Variants in NRXN1 observed in about 807,000 individuals in gnomAD.
NRXN1 encodes the protein neurexin-1.
In NRXN1, 39 loss-of-function variants were observed where a neutral mutation model predicts 150.9. The observed-to-expected ratio is 0.26, with a 90% CI of 0.20 to 0.34. The LOEUF (loss-of-function observed/expected upper bound fraction) is 0.34, where lower values mean the gene tolerates loss of function less well. NRXN1 is among the 10% of genes least tolerant of loss of function. The probability of loss-of-function intolerance (pLI) is 1.00; values close to 1 mark genes in which losing one functional copy is unlikely to be tolerated. For synonymous variants in NRXN1, 924 were observed against 757.0 expected (o/e 1.22, Z -3.62); for missense variants, 1,815 against 1,949.9 (o/e 0.93, Z 1.30).
chr2:50,670,836 A>G (rs1450054759), intron 5 of NRXN1, among the ~76,000 whole-genome samples: 1 of 151,900 alleles, frequency 6.6e-6, no homozygotes, highest in Non-Finnish European at 1.5e-5. Flanking sequence ...AGAATATTCC[A>G]GAAGCAGTAA....
intron 5 of NRXN1, among the ~76,000 whole-genome samples, chr2:50,750,563 C>T (rs563426886): frequency 7.9e-5 from 12 of 152,050 alleles, no homozygotes; most frequent in Admixed American, 2.0e-4. Flanking sequence ...GCATGTTGTG[C>T]GCATGTACCC....
chr2:50,914,337 A>G (rs1457630248), intron 5 of NRXN1, among the ~76,000 whole-genome samples: 3 of 151,672 alleles, frequency 2.0e-5, no homozygotes, highest in African/African-American at 7.3e-5. Flanking sequence ...AAAATATAAG[A>G]TCTACTTCAT....
chr2:49,979,841 A>G (rs1268644145), intron 21 of NRXN1, among the ~76,000 whole-genome samples: 3 of 151,976 alleles, frequency 2.0e-5, no homozygotes, highest in Non-Finnish European at 4.4e-5. Context: ...AGTATGGATT[A>G]GAGATAGGAT....
intron 9 of NRXN1, among the ~76,000 whole-genome samples, chr2:50,540,818 C>T (rs1157439797): frequency 2.0e-5 from 3 of 152,112 alleles, no homozygotes; most frequent in Non-Finnish European, 2.9e-5. Flanking sequence ...TACGCCATCA[C>T]AGCCAACTAA....
At chr2:50,866,318 T>G (rs1676935079) in intron 5 of NRXN1, among the ~76,000 whole-genome samples, 1 of 151,958 alleles carries the variant, frequency 6.6e-6, no homozygotes, top group African/African-American at 2.4e-5. Flanking sequence ...ATTCTCAAAA[T>G]GAAATAAACC....
intron 5 of NRXN1, among the ~76,000 whole-genome samples, chr2:50,776,102 A>C (rs1703601023): frequency 6.6e-6 from 1 of 152,156 alleles, no homozygotes; most frequent in African/African-American, 2.4e-5. Flanking sequence ...TACTGAGAAC[A>C]ACATATATCC....
At chr2:50,875,083 T>A (rs891181568) in intron 5 of NRXN1, among the ~76,000 whole-genome samples, 1 of 151,806 alleles carries the variant, frequency 6.6e-6, no homozygotes, top group Non-Finnish European at 1.5e-5. Flanking sequence ...TTCTACTTTG[T>A]TTTAAAGAGA....
intron 17 of NRXN1, among the ~76,000 whole-genome samples, chr2:50,448,547 A>G (rs994492952): frequency 2.0e-5 from 3 of 152,326 alleles, no homozygotes; most frequent in Admixed American, 6.5e-5. Flanking sequence ...TCAGATTAGG[A>G]AACCCTGAGC....
At chr2:50,466,482 A>G (rs1268801365) in intron 16 of NRXN1, 18 of 471,838 alleles carry the variant, frequency 3.8e-5, no homozygotes, top group Non-Finnish European at 7.5e-5. Flanking sequence ...GCTTTCATCA[A>G]TGCAACTTTG....
At chr2:50,283,465 C>A (rs1472583087) in intron 17 of NRXN1, among the ~76,000 whole-genome samples, 3 of 152,062 alleles carry the variant, frequency 2.0e-5, no homozygotes, top group Non-Finnish European at 4.4e-5. Context: ...CAAAATGAAT[C>A]AATAACTTCC....
intron 15 of NRXN1, among the ~76,000 whole-genome samples, chr2:50,474,839 C>CCCCCCAAAAAAA (rs1558795095): frequency 1.8e-5 from 2 of 108,850 alleles, no homozygotes; most frequent in African/African-American, 3.6e-5. Context: ...GCCCCCCTAC[C>CCCCCCAAAAAAA]AAAAAAAAAA....
intron 5 of NRXN1, among the ~76,000 whole-genome samples, chr2:50,763,343 A>C (rs771368486): frequency 2.6e-5 from 4 of 151,950 alleles, no homozygotes; most frequent in Non-Finnish European, 5.9e-5. Context: ...CCTGTAATTT[A>C]ATTTATCTTG....
At chr2:50,743,173 C>T (rs907854356) in intron 5 of NRXN1, among the ~76,000 whole-genome samples, 1 of 152,106 alleles carries the variant, frequency 6.6e-6, no homozygotes, top group South Asian at 2.1e-4. Flanking sequence ...ATTAGTGAAG[C>T]GATATGCTTT....
At chr2:50,270,710 C>T (rs2069493108) in intron 17 of NRXN1, among the ~76,000 whole-genome samples, 1 of 149,980 alleles carries the variant, frequency 6.7e-6, no homozygotes, top group South Asian at 2.1e-4. Flanking sequence ...TCATTTGTTG[C>T]CCAGGCTGGA....
At chr2:50,036,105 C>T (rs547566420) in intron 21 of NRXN1, among the ~76,000 whole-genome samples, 131 of 152,210 alleles carry the variant, frequency 8.6e-4, no homozygotes, top group South Asian at 1.7e-3. Context: ...TACCCAAAAT[C>T]TCATCTTAAA....
chr2:50,390,434 C>T (rs2081611454), intron 17 of NRXN1, among the ~76,000 whole-genome samples: 1 of 152,108 alleles, frequency 6.6e-6, no homozygotes, highest in Non-Finnish European at 1.5e-5. Flanking sequence ...CTGAGAGCAA[C>T]TAATTTACAC....
chr2:50,798,244 C>A (rs1452605804), intron 5 of NRXN1, among the ~76,000 whole-genome samples: 6 of 151,984 alleles, frequency 3.9e-5, no homozygotes, highest in Non-Finnish European at 8.8e-5. Context: ...AAAATGCAGA[C>A]CCTCAAAATC....
At chr2:51,007,394 T>C (rs907362210) in intron 2 of NRXN1, among the ~76,000 whole-genome samples, 17 of 152,006 alleles carry the variant, frequency 1.1e-4, no homozygotes, top group African/African-American at 3.6e-4. Context: ...AAAATTTTGG[T>C]GATACAATAT....
At chr2:50,715,868 C>G (rs1342372976) in intron 5 of NRXN1, among the ~76,000 whole-genome samples, 1 of 152,170 alleles carries the variant, frequency 6.6e-6, no homozygotes, top group African/African-American at 2.4e-5. Context: ...TGCTTGAACT[C>G]TCAACGCACT....
Sources: allele counts gnomAD v4.1 joint callset (sites outside exome capture counted in the v4.1 genomes callset), GRCh38; gene constraint gnomAD v4.1.1; transcripts MANE v1.5; gene names NCBI Gene and HGNC (gene_info 2026-07-23, HGNC 2026-07-21).